Variants in DHX29 observed in about 807,000 individuals in gnomAD.
DHX29 encodes DExH-box helicase 29.
Under a neutral mutation model 167.9 loss-of-function variants are expected in DHX29, and 79 were observed. The observed-to-expected ratio is 0.47, with a 90% CI of 0.39 to 0.57. The LOEUF is 0.57. DHX29 is among the 20% of genes least tolerant of loss of function. The probability of loss-of-function intolerance (pLI) is 0.00; values close to 1 mark genes in which losing one functional copy is unlikely to be tolerated. For synonymous variants in DHX29, 530 were observed against 546.0 expected, an observed-to-expected ratio of 0.97 and a Z score of 0.41; for missense variants, 1,347 against 1,593.4, an observed-to-expected ratio of 0.85 and a Z score of 2.63.
chr5:55,287,161 G>A (rs1162165441), intron 8 of DHX29, among the ~76,000 whole-genome samples: 1 of 152,194 alleles, frequency 6.6e-6, no homozygotes, highest in Non-Finnish European at 1.5e-5. Context: ...TACTACTGAG[G>A]CCAGGCATGG....
In DHX29 at chr5:55,290,351, C is replaced by A; in HGVS notation, c.781-7G>T. On this transcript the variant is annotated splice_region_variant and splice_polypyrimidine_tract_variant and intron_variant, in intron 6 of 26. Coordinates refer to ENST00000251636, the MANE Select transcript of DHX29 (RefSeq NM_019030.4). ...GATGTAAGTACCTTTCATTCTGTTCCAAATAAAACAATGAGGAGGGGGAAA... is the reference window on the plus strand; with the variant it reads ...GATGTAAGTACCTTTCATTCTGTTCAAAATAAAACAATGAGGAGGGGGAAA... 3 of 1,570,854 alleles carry A rather than the reference C, an allele frequency of 1.9e-6. No homozygotes were observed. Among genetic ancestry groups the A allele is most frequent in the Admixed American group, 2.0e-5 (1 of 49,388 alleles).
chr5:55,292,919 T>C (rs865999100), intron 6 of DHX29, among the ~76,000 whole-genome samples: 7 of 152,184 alleles, frequency 4.6e-5, no homozygotes, highest in Non-Finnish European at 7.3e-5. Flanking sequence ...AGTAGACTTA[T>C]ACTGCCCTAA....
chr5:55,299,312 T>C (rs560676722), intron 1 of DHX29, among the ~76,000 whole-genome samples: 2 of 152,272 alleles, frequency 1.3e-5, no homozygotes, highest in East Asian at 1.9e-4. Context: ...TAAGATATGA[T>C]TGTTGGCAGA....
chr5:55,270,607 G>A lies in DHX29; in HGVS notation c.2964C>T (p.Gly988=), dbSNP rs1746806932. 6.2e-7 allele frequency: 1 copy of A among 1,614,152 alleles called. No homozygotes were observed. The highest frequency in any genetic ancestry group is 1.3e-5 in the African/African-American group (1 of 75,046). Residue 988 remains glycine (G), a synonymous_variant, in exon 19 of 27, where the codon GGC becomes GGT. Transcript: ENST00000251636. ...CTCTTGTGTACATTCGGAAACAGAA[G>A]CCATCTCTGACCCGCCCAGCTCTTC... ...RQGRAGRVRD[G]FCFRMYTRER...
chr5:55,263,671 G>C (rs1385519149), intron 23 of DHX29, among the ~76,000 whole-genome samples: 2 of 151,296 alleles, frequency 1.3e-5, no homozygotes, highest in African/African-American at 4.8e-5. Context: ...TGAAGAAAAG[G>C]CTCACAGAAG....
chr5:55,269,579 A>T lies in DHX29; in HGVS notation c.3128T>A (p.Leu1043His). 4.3e-6 allele frequency: 7 copies of T among 1,614,136 alleles called. No individual in the cohort carries two copies. The highest frequency in any genetic ancestry group is 5.9e-6 in the Non-Finnish European group (7 of 1,180,026). Reference sequence around the variant, plus strand: ...ATTCATTGCATTGCTGATCACTTGGAGCTGAGGAGGATCTAAGGCTTTGGA... The same window carrying T: ...ATTCATTGCATTGCTGATCACTTGGTGCTGAGGAGGATCTAAGGCTTTGGA... Reference protein sequence around the residue: ...FLSKALDPPQLQVISNAMNLL... With the variant: ...FLSKALDPPQHQVISNAMNLL... Residue 1043 changes from leucine to histidine, a missense_variant, in exon 21 of 27, where the codon CTC becomes CAC. Coordinates refer to ENST00000251636, the MANE Select transcript of DHX29 (RefSeq NM_019030.4).
At chr5:55,289,171 T>C in intron 8 of DHX29, 99 bp downstream of exon 8, 1 of 1,326,650 alleles carries the variant, frequency 7.5e-7, no homozygotes, top group Non-Finnish European at 9.8e-7. Context: ...CCATCTTACG[T>C]ACTTTGCCAG....
chr5:55,305,850 AAG>A (rs758974833), intron 1 of DHX29, among the ~76,000 whole-genome samples: 17 of 152,198 alleles, frequency 1.1e-4, no homozygotes, highest in Non-Finnish European at 2.1e-4. Context: ...TTGAGCTTGG[AAG>A]AGAGGCCATC....
chr5:55,283,049 C>A (rs1046668500), intron 11 of DHX29, 154 bp downstream of exon 11: 12 of 701,464 alleles, frequency 1.7e-5, no homozygotes, highest in Non-Finnish European at 2.4e-5. Flanking sequence ...ACTATCACAT[C>A]TATCAAAGAA....
chr5:55,281,080 C>CAT (rs200956085), intron 12 of DHX29, among the ~76,000 whole-genome samples: 1,597 of 149,674 alleles, frequency 0.011, 30 homozygotes, highest in African/African-American at 0.036. Context: ...CACACACACA[C>CAT]GCTATATATA....
At position 55,285,739 on chromosome 5, in the gene DHX29, G is replaced by T; in HGVS notation, c.1189C>A (p.Pro397Thr). ...CCTACTGGAACTTTTTCAAAGGAAG[G>T]ATTTGGACTCTTGGGAAGATTCTTC... Reference protein sequence around the residue: ...VRKNLPKSPNPSFEKVPVGRY... With the variant: ...VRKNLPKSPNTSFEKVPVGRY... The change falls in exon 9 of 27, where the codon CCT (proline) becomes ACT (threonine). Residue 397 changes from proline to threonine, a missense_variant. Physicochemically the swap from Pro to Thr is conservative, Grantham distance 38. Coordinates refer to ENST00000251636, the MANE Select transcript of DHX29 (RefSeq NM_019030.4). The T allele has an allele frequency of 6.3e-7, 1 of 1,598,430 alleles. No individual in the cohort carries two copies. Among genetic ancestry groups the T allele is most frequent in the Admixed American group, 1.7e-5 (1 of 59,258 alleles).
chr5:55,257,359 G>A (rs1160100476), intron 26 of DHX29, among the ~76,000 whole-genome samples: 1 of 152,184 alleles, frequency 6.6e-6, no homozygotes, highest in Non-Finnish European at 1.5e-5. Flanking sequence ...CAAAAAAGTG[G>A]GAGGGAGGGG....
chr5:55,288,582 T>G (rs1747867354), intron 8 of DHX29, among the ~76,000 whole-genome samples: 1 of 152,090 alleles, frequency 6.6e-6, no homozygotes, highest in Non-Finnish European at 1.5e-5. Flanking sequence ...CTATAGTGAA[T>G]GGTCTTCTCA....
chr5:55,269,347 C>A (rs1746736873), intron 21 of DHX29, 66 bp downstream of exon 21: 5 of 1,519,904 alleles, frequency 3.3e-6, no homozygotes, highest in Non-Finnish European at 4.5e-6. Flanking sequence ...ACAATTGTTT[C>A]CAAACTTGTA....
rs543889129 is a variant in DHX29 at position 55,266,538 on chromosome 5, A to G, written c.3525+600T>C. ...TGGTCAGGCTGGTCTCAAACTCCCA[A>G]CCTCAGGTGATTTTTTTTTTTTTTT... is the stretch of plus-strand genomic sequence containing the variant. On this transcript the variant is annotated intron_variant, in intron 23 of 26. Transcript: ENST00000251636. Among the ~76,000 whole-genome samples the G allele has an allele frequency of 2.1e-5, 3 of 145,586 alleles. No individual in the cohort carries two copies. The East Asian group carries it at 6.0e-4, about 29-fold the overall frequency.
chr5:55,257,831 G>C (rs1746125335), intron 26 of DHX29, among the ~76,000 whole-genome samples: 1 of 152,036 alleles, frequency 6.6e-6, no homozygotes, highest in African/African-American at 2.4e-5. Flanking sequence ...AAATCATTTT[G>C]CTTAATTAAA....
chr5:55,307,191 T>C (rs1257046816), intron 1 of DHX29, among the ~76,000 whole-genome samples, 196 bp downstream of exon 1: 1 of 152,238 alleles, frequency 6.6e-6, no homozygotes, highest in Admixed American at 6.5e-5. Flanking sequence ...ACAGGGCTAC[T>C]GTCAGAATTT....
At chr5:55,273,959 C>A (rs900958647) in intron 16 of DHX29, among the ~76,000 whole-genome samples, 1 of 151,854 alleles carries the variant, frequency 6.6e-6, no homozygotes, top group Non-Finnish European at 1.5e-5. Context: ...TGGTGGCATG[C>A]GGCTGTAGTC....
chr5:55,295,983 C>A (rs1340973431), intron 4 of DHX29, among the ~76,000 whole-genome samples: 2 of 152,132 alleles, frequency 1.3e-5, no homozygotes, highest in African/African-American at 4.8e-5. Flanking sequence ...GAGAGGCAAA[C>A]CTTGTATTAA....
Sources: allele counts gnomAD v4.1 joint callset (sites outside exome capture counted in the v4.1 genomes callset), GRCh38; gene constraint gnomAD v4.1.1; transcripts MANE v1.5; gene names NCBI Gene and HGNC (gene_info 2026-07-23, HGNC 2026-07-21).